The following RAB1A variants were observed in gnomAD, a reference collection of about 807,000 sequenced individuals.
RAB1A encodes the protein RAB1A, member RAS oncogene family.
RAB1A carries 2 observed loss-of-function variants against 26.0 expected under a neutral mutation model. That is an observed-to-expected ratio of 0.08 (90% CI 0.03 to 0.24). The LOEUF is 0.24. Among genes scored for constraint, RAB1A ranks in the 10% least tolerant of loss-of-function variants. The probability of loss-of-function intolerance (pLI) is 1.00; values close to 1 mark genes in which losing one functional copy is unlikely to be tolerated. For synonymous variants in RAB1A, 84 were observed against 84.9 expected, an observed-to-expected ratio of 0.99 and a Z score of 0.06; for missense variants, 100 against 247.0, an observed-to-expected ratio of 0.40 and a Z score of 3.99.
intron 1 of RAB1A, among the ~76,000 whole-genome samples, chr2:65,123,058 T>G (rs186027696): frequency 9.4e-4 from 127 of 135,694 alleles, no homozygotes; most frequent in Non-Finnish European, 1.7e-3. Context: ...AGTGAAACCA[T>G]CACATAGGTA....
chr2:65,129,931 G>A lies in RAB1A; in HGVS notation c.-16C>T, dbSNP rs780378734. ...TGCTGGACATGTCACTGCAGCTGCC[G>A]CCGCCGCCACCGCCGCCCTTGCTGC... On this transcript the variant is annotated 5_prime_UTR_variant, in exon 1 of 6. Transcript: ENST00000409784. 1.9e-6 allele frequency: 3 copies of A among 1,584,288 alleles called. No individual in the cohort carries two copies. The highest frequency in any genetic ancestry group is 2.6e-6 in the Non-Finnish European group (3 of 1,167,036).
chr2:65,089,457 C>A (rs1573061603), intron 4 of RAB1A, among the ~76,000 whole-genome samples: 3 of 152,162 alleles, frequency 2.0e-5, no homozygotes, highest in African/African-American at 7.2e-5. Context: ...CTCAATCGGC[C>A]CACCTTGGCC....
intron 1 of RAB1A, chr2:65,105,510 TCAAAAAA>T (rs1402558966): frequency 5.1e-4 from 13 of 25,346 alleles, no homozygotes; most frequent in African/African-American, 2.1e-3. Context: ...AAACTCTGTC[TCAAAAAA>T]AAAAAAAAAA....
chr2:65,092,990 T>C (rs767734411), intron 3 of RAB1A, among the ~76,000 whole-genome samples: 10 of 152,218 alleles, frequency 6.6e-5, no homozygotes, highest in Non-Finnish European at 1.0e-4. Context: ...CTTCCCTTTC[T>C]GCCACAGTAA....
At chr2:65,089,219 AT>A (rs372663729) in intron 4 of RAB1A, 149 bp from the exon 5 acceptor site, 28,436 of 587,814 alleles carry the variant, frequency 0.048, no homozygotes, top group South Asian at 0.077. Context: ...GAGTGAAGAG[AT>A]TTTTTTTTTT....
chr2:65,119,103 G>A (rs970810534), intron 1 of RAB1A, among the ~76,000 whole-genome samples: 2 of 151,910 alleles, frequency 1.3e-5, no homozygotes, highest in Non-Finnish European at 2.9e-5. Flanking sequence ...TACTCCAGGG[G>A]CTGAGATGGG....
intron 3 of RAB1A, among the ~76,000 whole-genome samples, chr2:65,096,243 A>G (rs1157533211): frequency 6.6e-6 from 1 of 152,198 alleles, no homozygotes; most frequent in Non-Finnish European, 1.5e-5. Flanking sequence ...TGAACCCAGG[A>G]GGCGGAGGTT....
intron 1 of RAB1A, among the ~76,000 whole-genome samples, chr2:65,125,628 G>A (rs1326165048): frequency 6.6e-6 from 1 of 151,290 alleles, no homozygotes; most frequent in Non-Finnish European, 1.5e-5. Flanking sequence ...CATCATGTTG[G>A]CCAGGCTGGT....
At chr2:65,123,169 ATTTT>A (rs571655114) in intron 1 of RAB1A, among the ~76,000 whole-genome samples, 1 of 136,044 alleles carries the variant, frequency 7.4e-6, no homozygotes. Flanking sequence ...ACATACGTAA[ATTTT>A]TTTTTTTTTT....
intron 1 of RAB1A, among the ~76,000 whole-genome samples, chr2:65,113,400 G>A (rs1472490021): frequency 1.3e-5 from 2 of 152,160 alleles, no homozygotes; most frequent in African/African-American, 4.8e-5. Flanking sequence ...CAGCTACTTA[G>A]AAGGCTGAGG....
chr2:65,120,991 C>G (rs1038529858), intron 1 of RAB1A, among the ~76,000 whole-genome samples: 1 of 152,012 alleles, frequency 6.6e-6, no homozygotes, highest in African/African-American at 2.4e-5. Flanking sequence ...TGAGGTGGGT[C>G]ACACCTGTAA....
chr2:65,098,129 G>GT, intron 2 of RAB1A, 63 bp from the exon 3 acceptor site: 1 of 928,726 alleles, frequency 1.1e-6, no homozygotes, highest in Non-Finnish European at 1.5e-6. Flanking sequence ...AAGTCTAAGT[G>GT]GAAAAAAAAA....
At position 65,098,569 on chromosome 2, in the gene RAB1A, T is replaced by C. The variant is rs368877078; in HGVS notation, c.97-503A>G. ...AGATATAATGCACATAACATAAAAG[T>C]CACCCTTTTGAAGTGGACAATTCAG... On this transcript the variant is annotated intron_variant, in intron 2 of 5. Coordinates refer to ENST00000409784, the MANE Select transcript of RAB1A (RefSeq NM_004161.5). Among the ~76,000 whole-genome samples the C allele has an allele frequency of 2.6e-5, 4 of 152,070 alleles. No homozygotes were observed. The East Asian group carries it at 7.7e-4, about 29-fold the overall frequency.
At chr2:65,099,575 A>G (rs1317849077) in intron 2 of RAB1A, among the ~76,000 whole-genome samples, 1 of 152,224 alleles carries the variant, frequency 6.6e-6, no homozygotes, top group Admixed American at 6.5e-5. Context: ...TATGGTAGCC[A>G]TTAGCCCTAT....
Position 65,101,742 on chromosome 2 carries a change from C to CTTTTTTT in RAB1A, c.96+2985_96+2991dup, listed in dbSNP as rs71401771. ...ATTTATTGGCAATTTGTATTACTTC[C>CTTTTTTT]TTTTTTTTTTTTTTTTTTTTTTTTG... On this transcript the variant is annotated intron_variant, in intron 2 of 5. Transcript: ENST00000409784. Among the ~76,000 whole-genome samples the CTTTTTTT allele has an allele frequency of 3.9e-3, 277 of 70,676 alleles. 1 individual carries two copies. Among genetic ancestry groups the CTTTTTTT allele is most frequent in the African/African-American group, 5.8e-3 (86 of 14,810 alleles). 46.4% of individuals were successfully genotyped at this position (70,676 alleles called of 152,430 possible).
intron 2 of RAB1A, among the ~76,000 whole-genome samples, chr2:65,103,780 A>T (rs1012238563): frequency 2.7e-5 from 4 of 150,478 alleles, no homozygotes; most frequent in Non-Finnish European, 5.9e-5. Context: ...TTGTTTTTTT[A>T]TTTTTTTTCT....
Position 65,086,957 on chromosome 2 carries a change from T to G in RAB1A, c.*1536A>C, listed in dbSNP as rs1038498808. ...TATCTTACCACTTATTTTTGTACCA[T>G]GTATTTCAATTGCCTGTTTAGTGAA... On this transcript the variant is annotated 3_prime_UTR_variant, in exon 6 of 6. Coordinates refer to ENST00000409784, the MANE Select transcript of RAB1A (RefSeq NM_004161.5). 1 of 152,630 alleles carries G rather than the reference T, an allele frequency of 6.6e-6. No individual in the cohort carries two copies. The highest frequency in any genetic ancestry group is 6.5e-5 in the Admixed American group (1 of 15,288). 9.5% of individuals were successfully genotyped at this position (152,630 alleles called of 1,614,324 possible). A position where few individuals can be genotyped will look rare whatever the true frequency, so the allele number is the denominator to read the frequency against.
At chr2:65,099,754 TTA>T (rs1401039625) in intron 2 of RAB1A, among the ~76,000 whole-genome samples, 2 of 152,190 alleles carry the variant, frequency 1.3e-5, no homozygotes, top group African/African-American at 4.8e-5. Context: ...AGTGCTGGGA[TTA>T]CAGGTGTGAG....
In RAB1A at chr2:65,088,319, A is replaced by G; in HGVS notation, c.*174T>C. 1 of 551,950 alleles carries G rather than the reference A, an allele frequency of 1.8e-6. No homozygotes were observed. Among genetic ancestry groups the G allele is most frequent in the Non-Finnish European group, 3.1e-6 (1 of 318,432 alleles). The allele number at this position is 551,950 out of a possible 1,614,324, so 34.2% of individuals were successfully genotyped here. A position where few individuals can be genotyped will look rare whatever the true frequency, so the allele number is the denominator to read the frequency against. On this transcript the variant is annotated 3_prime_UTR_variant, in exon 6 of 6. Transcript: ENST00000409784. ...TCTGAAAATGAAGTTAGCTGTCTTGAGTCAAGGGAATAAAAAAAAAGTCAG... is the reference window on the plus strand; with the variant it reads ...TCTGAAAATGAAGTTAGCTGTCTTGGGTCAAGGGAATAAAAAAAAAGTCAG...
Sources: allele counts gnomAD v4.1 joint callset (sites outside exome capture counted in the v4.1 genomes callset), GRCh38; gene constraint gnomAD v4.1.1; transcripts MANE v1.5; gene names NCBI Gene and HGNC (gene_info 2026-07-23, HGNC 2026-07-21).